The following TASP1 variants were observed in gnomAD, a reference collection of about 807,000 sequenced individuals.
TASP1 encodes the protein threonine aspartase 1.
TASP1 carries 16 observed loss-of-function variants against 56.6 expected under a neutral mutation model. The ratio of observed to expected loss-of-function variants is 0.28; its 90% CI spans 0.19 to 0.43. TASP1 has a LOEUF of 0.43. Ranked by LOEUF, TASP1 falls within the 20% of genes least tolerant of loss-of-function variation. The pLI is 1.00. For synonymous variants in TASP1, 179 were observed against 184.2 expected, an observed-to-expected ratio of 0.97 and a Z score of 0.23; for missense variants, 393 against 511.6, an observed-to-expected ratio of 0.77 and a Z score of 2.24.
chr20:13,615,465 A>C (rs956523730), intron 4 of TASP1, among the ~76,000 whole-genome samples: 2 of 151,476 alleles, frequency 1.3e-5, no homozygotes, highest in African/African-American at 4.9e-5. Flanking sequence ...AGAAAGAGAG[A>C]GAGGAGAGCA....
chr20:13,272,932 G>A, the TASP1 span, among the ~76,000 whole-genome samples: 9 of 152,224 alleles, frequency 5.9e-5, no homozygotes, highest in East Asian at 1.9e-4. Context: ...TGTGGCTAGC[G>A]CTTTTTCCCA....
At chr20:13,377,544 G>A in the TASP1 span, among the ~76,000 whole-genome samples, 7 of 152,064 alleles carry the variant, frequency 4.6e-5, no homozygotes, top group East Asian at 1.4e-3. Flanking sequence ...CTTTTTTTGT[G>A]GTGTCTCCAC....
chr20:13,233,934 TG>T, the TASP1 span, among the ~76,000 whole-genome samples: 2 of 152,208 alleles, frequency 1.3e-5, no homozygotes, highest in Middle Eastern at 3.2e-3. Flanking sequence ...TTTTAAGCCA[TG>T]CCCAGAACTA....
At chr20:13,575,964 C>G (rs1404637769) in intron 6 of TASP1, among the ~76,000 whole-genome samples, 1 of 151,976 alleles carries the variant, frequency 6.6e-6, no homozygotes, top group Non-Finnish European at 1.5e-5. Flanking sequence ...GTAATCCCAG[C>G]ACTGTGGGAG....
the TASP1 span, among the ~76,000 whole-genome samples, chr20:13,127,619 G>T: frequency 6.6e-6 from 1 of 152,198 alleles, no homozygotes; most frequent in Non-Finnish European, 1.5e-5. Context: ...ATATAAAACA[G>T]ATAAGAACAA....
the TASP1 span, among the ~76,000 whole-genome samples, chr20:13,331,350 T>A: frequency 2.0e-5 from 3 of 152,334 alleles, no homozygotes; most frequent in Admixed American, 2.0e-4. Context: ...GTCCTCCAGA[T>A]TCAAGACATA....
the TASP1 span, among the ~76,000 whole-genome samples, chr20:13,253,517 T>C: frequency 6.6e-6 from 1 of 152,176 alleles, no homozygotes; most frequent in Non-Finnish European, 1.5e-5. Context: ...TTACCGACTA[T>C]CAGCCACTGT....
the TASP1 span, among the ~76,000 whole-genome samples, chr20:13,326,079 T>C: frequency 6.6e-6 from 1 of 152,222 alleles, no homozygotes; most frequent in Admixed American, 6.5e-5. Flanking sequence ...TACCTTTTTG[T>C]GAGTGGTTTC....
chr20:13,232,148 T>C, the TASP1 span, among the ~76,000 whole-genome samples: 1 of 152,236 alleles, frequency 6.6e-6, no homozygotes, highest in Non-Finnish European at 1.5e-5. Context: ...CATTTTATTA[T>C]TATTTTTTTA....
At position 13,605,958 on chromosome 20, in the gene TASP1, C is replaced by G. The variant is rs565991448; in HGVS notation, c.282+17488G>C. 3.4e-4 allele frequency among the ~76,000 whole-genome samples: 51 copies of G among 152,210 alleles called. No individual in the cohort carries two copies. The East Asian group carries it at 9.5e-3, about 28-fold the overall frequency. ...TCCCTCCCTCTTCCAACTTACTCTC[C>G]GCATTCTTCTCTCTTACCACACTCC... On this transcript the variant is annotated intron_variant, in intron 4 of 13. Coordinates refer to ENST00000337743, the MANE Select transcript of TASP1 (RefSeq NM_017714.3).
intron 13 of TASP1, among the ~76,000 whole-genome samples, chr20:13,403,906 G>C (rs2041827522): frequency 6.6e-6 from 1 of 152,014 alleles, no homozygotes; most frequent in African/African-American, 2.4e-5. Context: ...CAAAAACCCA[G>C]ATAGTCTAGC....
chr20:13,558,289 G>C (rs2046230474), intron 8 of TASP1, among the ~76,000 whole-genome samples: 1 of 152,124 alleles, frequency 6.6e-6, no homozygotes, highest in African/African-American at 2.4e-5. Context: ...CTAAGCCACA[G>C]GCTGAGCAAG....
intron 6 of TASP1, among the ~76,000 whole-genome samples, chr20:13,577,173 C>T (rs911773757): frequency 1.3e-5 from 2 of 152,092 alleles, no homozygotes; most frequent in African/African-American, 4.8e-5. Flanking sequence ...CATGTTAAAT[C>T]TCTTCTAACT....
intron 13 of TASP1, among the ~76,000 whole-genome samples, chr20:13,396,158 T>G (rs761342246): frequency 8.5e-5 from 13 of 152,162 alleles, no homozygotes; most frequent in Non-Finnish European, 1.8e-4. Flanking sequence ...ATGAGTTGAC[T>G]CAGGAGACAC....
At chr20:13,580,757 T>C in intron 6 of TASP1, 140 bp downstream of exon 6, 6 of 762,958 alleles carry the variant, frequency 7.9e-6, no homozygotes, top group African/African-American at 1.7e-5. Flanking sequence ...TTATTAGCTG[T>C]ACAAAATGTT....
At chr20:13,524,197 C>T (rs771298027) in intron 10 of TASP1, among the ~76,000 whole-genome samples, 46 of 151,826 alleles carry the variant, frequency 3.0e-4, no homozygotes, top group East Asian at 5.8e-4. Flanking sequence ...AGACAAGTAA[C>T]GGAAAAGCAA....
At chr20:13,216,715 A>T in the TASP1 span, among the ~76,000 whole-genome samples, 1 of 152,174 alleles carries the variant, frequency 6.6e-6, no homozygotes, top group Non-Finnish European at 1.5e-5. Flanking sequence ...TTATTTCTCA[A>T]TTACACAATA....
At chr20:13,531,962 G>C (rs1158062158) in intron 9 of TASP1, among the ~76,000 whole-genome samples, 1 of 152,144 alleles carries the variant, frequency 6.6e-6, no homozygotes, top group African/African-American at 2.4e-5. Flanking sequence ...ACTGCACCTG[G>C]CTTAATTTTT....
At chr20:13,185,348 C>T in the TASP1 span, among the ~76,000 whole-genome samples, 1 of 152,088 alleles carries the variant, frequency 6.6e-6, no homozygotes, top group South Asian at 2.1e-4. Context: ...AATCCAGCTC[C>T]ACTGCCATCT....
Sources: gnomAD v4.1 joint callset for allele counts (sites outside exome capture counted in the v4.1 genomes callset) on GRCh38, gnomAD v4.1.1 for gene constraint, MANE v1.5 for transcripts, NCBI Gene and HGNC (gene_info 2026-07-23, HGNC 2026-07-21) for gene names.